ACOXL: variants seen among roughly 807,000 people sequenced by gnomAD.
ACOXL encodes acyl-CoA oxidase like, also known as acyl-coenzyme A oxidase-like protein.
In ACOXL, 70 loss-of-function variants were observed where a neutral mutation model predicts 71.9. That is an observed-to-expected ratio of 0.97 (90% confidence interval 0.80 to 1.19). The LOEUF is 1.19. Ranked by LOEUF, ACOXL falls within the 50% of genes most tolerant of loss-of-function variation. The pLI is 0.00. For missense variants in ACOXL, 703 were observed against 736.3 expected (o/e 0.95, Z 0.52); for synonymous variants, 253 against 281.6 (o/e 0.90, Z 1.02).
intron 10 of ACOXL, among the ~76,000 whole-genome samples, chr2:110,905,686 C>A (rs765400650): frequency 3.9e-5 from 6 of 152,156 alleles, no homozygotes; most frequent in Non-Finnish European, 8.8e-5. Flanking sequence ...AGGGCTCTGG[C>A]GTCCTCAGGG....
intron 10 of ACOXL, among the ~76,000 whole-genome samples, chr2:110,903,280 G>A (rs2059314756): frequency 6.6e-6 from 1 of 152,248 alleles, no homozygotes; most frequent in African/African-American, 2.4e-5. Flanking sequence ...TAGCTGCCTT[G>A]GTGATTAATA....
rs1330371988 is a variant in ACOXL at position 110,963,857 on chromosome 2, G to C, written c.1060-23251G>C. ...TGATATTTGTTGTAGCTGAACAGGG[G>C]ATTACGTTATTTCTCTCTTAGCTGA... On this transcript the variant is annotated intron_variant, in intron 12 of 17. Coordinates refer to ENST00000439055, the MANE Select transcript of ACOXL (RefSeq NM_001142807.4). 14 of 1,222,888 alleles carry C rather than the reference G, an allele frequency of 1.1e-5. No homozygotes were observed. In the East Asian group the frequency reaches 3.6e-4, roughly 32 times the overall value. The allele number at this position is 1,222,888 out of a possible 1,614,324, so 75.8% of individuals were successfully genotyped here.
intron 8 of ACOXL, among the ~76,000 whole-genome samples, chr2:110,803,442 G>T (rs1033121625): frequency 1.3e-5 from 2 of 152,144 alleles, no homozygotes. Context: ...TTTGACAAAT[G>T]GTGCTGGGAC....
chr2:111,088,142 A>T (rs533838543), intron 16 of ACOXL, among the ~76,000 whole-genome samples: 31 of 152,336 alleles, frequency 2.0e-4, no homozygotes, highest in South Asian at 6.2e-4. Flanking sequence ...TCAAAAAATA[A>T]CAGATGCTGG....
Position 110,940,229 on chromosome 2 carries a change from A to C in ACOXL, c.1059+6587A>C, listed in dbSNP as rs2060817482. On this transcript the variant is annotated intron_variant, in intron 12 of 17. Coordinates refer to ENST00000439055, the MANE Select transcript of ACOXL (RefSeq NM_001142807.4). ...ATTTCATGACCTGCTCATGTGTTGT[A>C]GCCTACTGTTTGCAAAACACAGCCC... is the stretch of plus-strand genomic sequence containing the variant. Among the ~76,000 whole-genome samples, 3 of 152,196 alleles carry C rather than the reference A, an allele frequency of 2.0e-5. No homozygotes were observed. In the South Asian group the frequency reaches 6.2e-4, roughly 31 times the overall value.
chr2:111,054,890 A>T (rs2066458553), intron 16 of ACOXL, among the ~76,000 whole-genome samples: 1 of 152,116 alleles, frequency 6.6e-6, no homozygotes, highest in Non-Finnish European at 1.5e-5. Flanking sequence ...CACAAGAAAA[A>T]CAATGCCTTT....
intron 12 of ACOXL, among the ~76,000 whole-genome samples, chr2:110,974,745 C>T (rs746749191): frequency 1.3e-5 from 2 of 152,138 alleles, no homozygotes; most frequent in East Asian, 1.9e-4. Context: ...TTGGAACTGC[C>T]CATGGCAAGA....
intron 11 of ACOXL, among the ~76,000 whole-genome samples, chr2:110,925,972 A>T (rs990614761): frequency 6.0e-5 from 9 of 150,224 alleles, no homozygotes; most frequent in African/African-American, 2.2e-4. Context: ...ATTTCAGCAT[A>T]GTTGTGTCTC....
intron 12 of ACOXL, among the ~76,000 whole-genome samples, chr2:110,967,313 A>G (rs1396523884): frequency 6.6e-6 from 1 of 152,248 alleles, no homozygotes; most frequent in Admixed American, 6.5e-5. Flanking sequence ...AGTGAATTTG[A>G]GGCCAGATCA....
intron 9 of ACOXL, among the ~76,000 whole-genome samples, chr2:110,840,252 G>A (rs1484517959): frequency 2.0e-5 from 3 of 152,118 alleles, no homozygotes; most frequent in East Asian, 3.9e-4. Flanking sequence ...ACTTACATAG[G>A]CATGTTTGAC....
chr2:110,759,818 A>G (rs867442569), intron 1 of ACOXL, among the ~76,000 whole-genome samples: 42 of 152,188 alleles, frequency 2.8e-4, no homozygotes, highest in African/African-American at 9.6e-4. Flanking sequence ...ATTGTCTTCT[A>G]TTAATAAACA....
chr2:111,015,432 C>G (rs1167933284), intron 14 of ACOXL, among the ~76,000 whole-genome samples: 2 of 152,164 alleles, frequency 1.3e-5, no homozygotes, highest in African/African-American at 2.4e-5. Context: ...ACGACACACC[C>G]ACTGAAATGA....
intron 10 of ACOXL, among the ~76,000 whole-genome samples, chr2:110,852,353 G>GACCCT (rs1692719320): frequency 6.9e-6 from 1 of 145,716 alleles, no homozygotes; most frequent in South Asian, 2.5e-4. Context: ...TGCGCGTGGG[G>GACCCT]GCCCTGGCTC....
rs1489582395 is a variant in ACOXL, at chr2:110,799,033, TC to T, written c.482del (p.Pro161LeufsTer18). ...RSQGPHCFIVPVRDENGSLYP... is the reference protein window; with the variant it reads ...RSQGPHCFIVXVRDENGSLYP... ...CCTTAGGGCCCCACTGTTTCATCGT[TC>T]CTGTCCGGGATGAAAACGGAAGCTT... On this transcript the variant is annotated frameshift_variant, in exon 7 of 18. Transcript: ENST00000439055. LOFTEE classifies it high-confidence loss of function. 1.2e-6 allele frequency: 2 copies of T among 1,613,922 alleles called. No individual in the cohort carries two copies. Among genetic ancestry groups the T allele is most frequent in the Non-Finnish European group, 1.7e-6 (2 of 1,179,922 alleles).
At chr2:110,830,232 TC>T (rs1689653860) in intron 9 of ACOXL, among the ~76,000 whole-genome samples, 1 of 152,228 alleles carries the variant, frequency 6.6e-6, no homozygotes, top group South Asian at 2.1e-4. Context: ...AAAGTCTTTT[TC>T]CACCTTATCT....
rs561464705 is a variant in ACOXL, at chr2:111,113,340, C to G, written c.1543-4276C>G. Among the ~76,000 whole-genome samples the G allele has an allele frequency of 7.9e-5, 12 of 152,254 alleles. No homozygotes were observed. The East Asian group carries it at 2.3e-3, about 29-fold the overall frequency. On this transcript the variant is annotated intron_variant, in intron 17 of 17. Coordinates refer to ENST00000439055, the MANE Select transcript of ACOXL (RefSeq NM_001142807.4). ...TATGAGTACTGAATAAGACAGTGAA[C>G]CTAAAGCCCTCCTCTGTAATCTGGC...
At chr2:111,009,816 A>G (rs2064059285) in intron 14 of ACOXL, among the ~76,000 whole-genome samples, 1 of 152,224 alleles carries the variant, frequency 6.6e-6, no homozygotes, top group African/African-American at 2.4e-5. Context: ...GGGATGTGGT[A>G]AACTCATGCC....
chr2:111,082,269 C>T (rs932423237), intron 16 of ACOXL, among the ~76,000 whole-genome samples: 1 of 151,634 alleles, frequency 6.6e-6, no homozygotes, highest in African/African-American at 2.4e-5. Context: ...GCAACCTATC[C>T]GTCTGACAAA....
At chr2:110,842,577 A>G (rs950694998) in intron 10 of ACOXL, among the ~76,000 whole-genome samples, 1 of 152,244 alleles carries the variant, frequency 6.6e-6, no homozygotes, top group Non-Finnish European at 1.5e-5. Flanking sequence ...AGAAGTGCAC[A>G]GTTGTAGAGA....
Sources: gnomAD v4.1 joint callset for allele counts (sites outside exome capture counted in the v4.1 genomes callset) on GRCh38, gnomAD v4.1.1 for gene constraint, MANE v1.5 for transcripts, NCBI Gene and HGNC (gene_info 2026-07-23, HGNC 2026-07-21) for gene names.